SAMD5: variants seen among roughly 807,000 people sequenced by gnomAD.
SAMD5 encodes sterile alpha motif domain-containing protein 5.
SAMD5 carries 13 observed loss-of-function variants against 11.3 expected under a neutral mutation model. The observed-to-expected ratio is 1.15, with a 90% CI of 0.75 to 1.83. The LOEUF (loss-of-function observed/expected upper bound fraction) is 1.83. Among genes scored for constraint, SAMD5 ranks in the 40% most tolerant of loss-of-function variants. The probability of loss-of-function intolerance (pLI) is 0.00; values close to 1 mark genes in which losing one functional copy is unlikely to be tolerated. For missense variants in SAMD5, 255 were observed against 239.1 expected (o/e 1.07, Z -0.44); for synonymous variants, 129 against 111.3 (o/e 1.16, Z -1.00).
At chr6:147,592,453 G>A (rs989307927) in intron 1 of SAMD5, among the ~76,000 whole-genome samples, 1 of 152,068 alleles carries the variant, frequency 6.6e-6, no homozygotes, top group Non-Finnish European at 1.5e-5. Flanking sequence ...GGCTCCCAGA[G>A]GAAGAGGGGC....
intron 1 of SAMD5, among the ~76,000 whole-genome samples, chr6:147,621,066 G>T (rs1437672887): frequency 6.6e-6 from 1 of 152,016 alleles, no homozygotes. Flanking sequence ...CATAAAGGTG[G>T]GTTGGAGCAT....
In SAMD5 at chr6:147,583,781, G is replaced by A. The variant is rs1789334907; in HGVS notation, c.162+74394G>A. ...TGCTCTAGGTCTGTTGGTCTAGAAT[G>A]AGTGACCTGATAAAAGGGAAAAAAG... On this transcript the variant is annotated intron_variant, in intron 1 of 1. Transcript: ENST00000566741. Among the ~76,000 whole-genome samples the A allele has an allele frequency of 1.3e-5, 2 of 150,860 alleles. 1 individual carries two copies. Among genetic ancestry groups the A allele is most frequent in the South Asian group, 4.2e-4 (2 of 4,734 alleles).
the SAMD5 span, among the ~76,000 whole-genome samples, chr6:147,877,913 AGC>A: frequency 0.055 from 5,296 of 96,924 alleles, 389 homozygotes; most frequent in African/African-American, 0.14. Context: ...ATAGATAGCT[AGC>A]TAGCTAGCTA....
At chr6:147,595,799 A>T (rs1196860920) in intron 1 of SAMD5, among the ~76,000 whole-genome samples, 6 of 152,072 alleles carry the variant, frequency 3.9e-5, no homozygotes, top group Non-Finnish European at 8.8e-5. Flanking sequence ...TGCTGGGATT[A>T]CAGGTGTGAG....
At chr6:147,583,671 A>G (rs1336831637) in intron 1 of SAMD5, among the ~76,000 whole-genome samples, 1 of 152,186 alleles carries the variant, frequency 6.6e-6, no homozygotes, top group East Asian at 1.9e-4. Context: ...CCCTGTACTG[A>G]AATGAGAAAA....
chr6:147,698,871 C>T (rs114585733), intron 1 of SAMD5, among the ~76,000 whole-genome samples: 415 of 152,158 alleles, frequency 2.7e-3, no homozygotes, highest in African/African-American at 8.4e-3. Context: ...AATGGAAGAA[C>T]GGGGAGGAGC....
chr6:147,833,150 T>C, the SAMD5 span, among the ~76,000 whole-genome samples: 2 of 152,236 alleles, frequency 1.3e-5, no homozygotes, highest in African/African-American at 4.8e-5. Flanking sequence ...TCCTGTAACT[T>C]TGTAGAACTC....
chr6:147,840,667 G>A, the SAMD5 span, among the ~76,000 whole-genome samples: 2 of 152,216 alleles, frequency 1.3e-5, no homozygotes, highest in African/African-American at 4.8e-5. Flanking sequence ...TGCTGGTTAA[G>A]GAATGTTTGC....
chr6:147,878,878 C>T, the SAMD5 span, among the ~76,000 whole-genome samples: 4 of 151,944 alleles, frequency 2.6e-5, no homozygotes, highest in Admixed American at 6.6e-5. Flanking sequence ...CCTCATCCTC[C>T]CAAGTAGCTG....
intron 1 of SAMD5, among the ~76,000 whole-genome samples, chr6:147,620,719 T>G (rs747066398): frequency 9.9e-5 from 15 of 152,188 alleles, no homozygotes; most frequent in Non-Finnish European, 1.5e-4. Flanking sequence ...CCATCGCCTC[T>G]GCTGGAAGGA....
At chr6:147,558,912 C>G (rs184175013) in intron 1 of SAMD5, among the ~76,000 whole-genome samples, 3 of 152,226 alleles carry the variant, frequency 2.0e-5, no homozygotes, top group Non-Finnish European at 2.9e-5. Flanking sequence ...GAAAATATGC[C>G]CAAGCTCCCT....
the SAMD5 span, among the ~76,000 whole-genome samples, chr6:147,918,907 G>C: frequency 2.6e-5 from 4 of 151,874 alleles, no homozygotes; most frequent in South Asian, 4.2e-4. Context: ...GGGTTTCACC[G>C]TGTTAGCCAG....
chr6:147,753,286 T>C, the SAMD5 span, among the ~76,000 whole-genome samples: 1 of 152,168 alleles, frequency 6.6e-6, no homozygotes, highest in African/African-American at 2.4e-5. Context: ...ACAGTGCTTA[T>C]CATGTCACAG....
At chr6:147,675,392 C>T (rs996072150) in intron 1 of SAMD5, among the ~76,000 whole-genome samples, 1 of 152,142 alleles carries the variant, frequency 6.6e-6, no homozygotes, top group African/African-American at 2.4e-5. Context: ...GTTGAGGTTA[C>T]CTTGCCAAGT....
the SAMD5 span, among the ~76,000 whole-genome samples, chr6:147,855,483 T>A: frequency 1.3e-5 from 2 of 152,282 alleles, no homozygotes; most frequent in East Asian, 3.9e-4. Flanking sequence ...TGAAATTATA[T>A]CCCTTGCCAG....
intron 1 of SAMD5, among the ~76,000 whole-genome samples, chr6:147,655,835 A>G (rs1363474033): frequency 3.3e-5 from 5 of 152,212 alleles, no homozygotes; most frequent in Non-Finnish European, 5.9e-5. Flanking sequence ...CAAAAATCAT[A>G]TAGGTTTACA....
rs186597851 is a variant in SAMD5, at chr6:147,569,984, A to G, written c.*5528A>G. 2 of 985,062 alleles carry G rather than the reference A, an allele frequency of 2.0e-6. No homozygotes were observed. The highest frequency in any genetic ancestry group is 3.5e-5 in the African/African-American group (2 of 57,348). 61.0% of individuals were successfully genotyped at this position (985,062 alleles called of 1,614,324 possible). A position where few individuals can be genotyped will look rare whatever the true frequency, so the allele number is the denominator to read the frequency against. ...CATGCACACTGTGATTTGCAAACAT[A>G]TGTCCGCTCTTCAATAAATGTTACG... On this transcript the variant is annotated 3_prime_UTR_variant, in exon 2 of 2. Transcript: ENST00000367474.
chr6:147,699,226 G>C (rs1445574886), intron 1 of SAMD5, among the ~76,000 whole-genome samples: 1 of 152,080 alleles, frequency 6.6e-6, no homozygotes, highest in South Asian at 2.1e-4. Flanking sequence ...CTAGACTGAC[G>C]CCTGGCTCAA....
At chr6:147,734,111 A>T (rs1438610839) in intron 1 of SAMD5, among the ~76,000 whole-genome samples, 1 of 152,248 alleles carries the variant, frequency 6.6e-6, no homozygotes, top group Admixed American at 6.5e-5. Context: ...GGAGAACTCT[A>T]TTAAGCATCA....
Sources: gnomAD v4.1 joint callset for allele counts (sites outside exome capture counted in the v4.1 genomes callset) on GRCh38, gnomAD v4.1.1 for gene constraint, MANE v1.5 for transcripts, NCBI Gene and HGNC (gene_info 2026-07-23, HGNC 2026-07-21) for gene names.